The following FUT8 variants were observed in gnomAD, a reference collection of about 807,000 sequenced individuals.
The protein encoded by FUT8 is fucosyltransferase 8.
FUT8 carries 29 observed loss-of-function variants against 71.3 expected under a neutral mutation model. The ratio of observed to expected loss-of-function variants is 0.41; its 90% CI spans 0.30 to 0.55. FUT8 has a LOEUF of 0.55. FUT8 is among the 20% of genes least tolerant of loss of function. The pLI is 0.34. For synonymous variants in FUT8, 254 were observed against 239.3 expected, an observed-to-expected ratio of 1.06 and a Z score of -0.57; for missense variants, 544 against 702.1, an observed-to-expected ratio of 0.77 and a Z score of 2.55.
In FUT8 at chr14:65,638,125, C is replaced by G. The variant is rs1410335456; in HGVS notation, c.597+8519C>G. Among the ~76,000 whole-genome samples the G allele has an allele frequency of 6.6e-6, 1 of 152,212 alleles. No homozygotes were observed. Among genetic ancestry groups the G allele is most frequent in the Non-Finnish European group, 1.5e-5 (1 of 68,036 alleles). On this transcript the variant is annotated intron_variant, in intron 6 of 10. Transcript: ENST00000673929. This position sits in a 1 kb window ranked among gnomAD's most constrained non-coding sequence, Gnocchi z 4.5. ...GGTGAAGTTCGTAACCACATTTCTT[C>G]TGGTTAGCTGCAGAAGCAGTGTAGG...
the FUT8 span, among the ~76,000 whole-genome samples, chr14:65,391,043 TG>T: frequency 6.6e-6 from 1 of 151,988 alleles, no homozygotes; most frequent in African/African-American, 2.4e-5. Context: ...CTATTCTTTG[TG>T]GAAATAATTA....
In FUT8 at chr14:65,528,288, C is replaced by T. The variant is rs563269118; in HGVS notation, c.-227-33049C>T. Among the ~76,000 whole-genome samples the T allele has an allele frequency of 6.0e-4, 92 of 152,314 alleles. 1 individual carries two copies. The highest frequency in any genetic ancestry group is 2.5e-3 in the Admixed American group (38 of 15,300). ...CCAGCTTCGCTGCCACCTTGCAGTT[C>T]GATCTCAGACTGCTGTGCTAGCAAT... On this transcript the variant is annotated intron_variant, in intron 2 of 10. Coordinates refer to ENST00000673929, the MANE Select transcript of FUT8 (RefSeq NM_001371533.1).
Position 65,710,444 on chromosome 14 carries a change from T to G in FUT8, c.836-11331T>G, listed in dbSNP as rs527797390. 2.0e-5 allele frequency among the ~76,000 whole-genome samples: 3 copies of G among 152,350 alleles called. No homozygotes were observed. In the South Asian group the frequency reaches 6.2e-4, roughly 32 times the overall value. On this transcript the variant is annotated intron_variant, in intron 7 of 10. Coordinates refer to ENST00000673929, the MANE Select transcript of FUT8 (RefSeq NM_001371533.1). ...CTTTCTAACATAGCATGTACTATGT[T>G]ATTTTCTTTCATTTTGAAATATGTT...
chr14:65,500,461 G>A (rs2066629191), intron 2 of FUT8, among the ~76,000 whole-genome samples: 1 of 152,112 alleles, frequency 6.6e-6, no homozygotes, highest in South Asian at 2.1e-4. Flanking sequence ...AGAGTCATAA[G>A]CTAAGAAGCT....
chr14:65,412,477 G>T (rs1345192375), upstream of FUT8: 1 of 393,900 alleles, frequency 2.5e-6, no homozygotes, highest in African/African-American at 2.1e-5. Context: ...GCCTTCAGGC[G>T]GTAGAGGGCG....
chr14:65,461,794 G>A (rs956004816), intron 2 of FUT8, among the ~76,000 whole-genome samples: 25 of 152,326 alleles, frequency 1.6e-4, no homozygotes, highest in African/African-American at 5.3e-4. Context: ...CAGCTGAGAA[G>A]ATGGGAGCTT....
intron 2 of FUT8, among the ~76,000 whole-genome samples, chr14:65,501,711 A>T (rs1008378769): frequency 2.6e-5 from 4 of 152,164 alleles, no homozygotes; most frequent in African/African-American, 9.7e-5. Context: ...ACCAGTATAT[A>T]TAGCCTTCTC....
intron 2 of FUT8, among the ~76,000 whole-genome samples, chr14:65,501,144 G>A (rs1250061038): frequency 2.0e-5 from 3 of 152,118 alleles, no homozygotes; most frequent in Non-Finnish European, 4.4e-5. Context: ...CTAAATACTC[G>A]AGGCAGGAGG....
At chr14:65,450,820 C>T (rs1289487962) in intron 1 of FUT8, among the ~76,000 whole-genome samples, 4 of 151,456 alleles carry the variant, frequency 2.6e-5, no homozygotes, top group Admixed American at 1.3e-4. Flanking sequence ...CTTTGTGGGA[C>T]TCGCAACAGG....
At chr14:65,593,246 T>C (rs1594797191) in intron 3 of FUT8, among the ~76,000 whole-genome samples, 1 of 152,352 alleles carries the variant, frequency 6.6e-6, no homozygotes, top group East Asian at 1.9e-4. Flanking sequence ...TGTCAATACT[T>C]GTATGCCTTT....
chr14:65,492,396 A>G lies in FUT8; in HGVS notation c.-228+36678A>G, dbSNP rs557448002. On this transcript the variant is annotated intron_variant, in intron 2 of 10. Coordinates refer to ENST00000673929, the MANE Select transcript of FUT8 (RefSeq NM_001371533.1). ...CCAGTCACTAAGTTTTGGCCAATCAAATGTAGTCAACTGTTCAAACTGTGT... is the reference window on the plus strand; with the variant it reads ...CCAGTCACTAAGTTTTGGCCAATCAGATGTAGTCAACTGTTCAAACTGTGT... Among the ~76,000 whole-genome samples, 3 of 152,312 alleles carry G rather than the reference A, an allele frequency of 2.0e-5. No individual in the cohort carries two copies. In the South Asian group the frequency reaches 6.2e-4, roughly 32 times the overall value.
Position 65,608,461 on chromosome 14 carries a change from A to G in FUT8, c.204-7517A>G, listed in dbSNP as rs549077472. Among the ~76,000 whole-genome samples the G allele has an allele frequency of 1.3e-4, 19 of 151,952 alleles. 1 individual carries two copies. The highest frequency in any genetic ancestry group is 2.2e-4 in the Non-Finnish European group (15 of 67,956). On this transcript the variant is annotated intron_variant, in intron 3 of 10. Transcript: ENST00000673929. ...GCCGTGTAATCATTTCATTTAGGCT[A>G]CAACTCACTAGTTTTTCATATTCTG...
intron 7 of FUT8, among the ~76,000 whole-genome samples, chr14:65,672,835 G>C (rs746327629): frequency 1.3e-5 from 2 of 152,154 alleles, no homozygotes; most frequent in Non-Finnish European, 2.9e-5. Context: ...CTTTCAAAAT[G>C]CTTTTCTAGC....
At chr14:65,492,376 C>CA (rs1217993518) in intron 2 of FUT8, among the ~76,000 whole-genome samples, 3 of 152,204 alleles carry the variant, frequency 2.0e-5, no homozygotes, top group African/African-American at 2.4e-5. Context: ...TTGTGCCAGT[C>CA]ACTAAGTTTT....
intron 7 of FUT8, among the ~76,000 whole-genome samples, chr14:65,709,014 C>T (rs1245847295): frequency 6.6e-6 from 1 of 152,024 alleles, no homozygotes; most frequent in Non-Finnish European, 1.5e-5. Context: ...GTTCTGATTA[C>T]AAAAGAAGGA....
chr14:65,613,440 A>G (rs1164896100), intron 3 of FUT8, among the ~76,000 whole-genome samples: 1 of 152,118 alleles, frequency 6.6e-6, no homozygotes, highest in Non-Finnish European at 1.5e-5. Context: ...TTAAAAAACT[A>G]TATACCAGGA....
At chr14:65,443,503 T>C (rs1566750777) in intron 1 of FUT8, among the ~76,000 whole-genome samples, 3 of 151,846 alleles carry the variant, frequency 2.0e-5, no homozygotes, top group Non-Finnish European at 2.9e-5. Flanking sequence ...GAGGATTACT[T>C]GAGGCCAGGA....
At chr14:65,485,292 G>C (rs980202658) in intron 2 of FUT8, among the ~76,000 whole-genome samples, 2 of 152,162 alleles carry the variant, frequency 1.3e-5, no homozygotes, top group African/African-American at 4.8e-5. Context: ...ATCTTCAGCT[G>C]ACAGACATTG....
In FUT8 at chr14:65,656,852, T is replaced by G. The variant is rs550556457; in HGVS notation, c.598-12391T>G. On this transcript the variant is annotated intron_variant, in intron 6 of 10. Transcript: ENST00000673929. ...GGTGGAGAACCCAGAAACAAATCTG[T>G]TATCTACAGTAAACTCATTTTCAAC... is the stretch of plus-strand genomic sequence containing the variant. Among the ~76,000 whole-genome samples the G allele has an allele frequency of 3.1e-3, 465 of 152,256 alleles. 3 individuals carry two copies. The highest frequency in any genetic ancestry group is 0.011 in the African/African-American group (452 of 41,546).
Sources: gnomAD v4.1 joint callset for allele counts (sites outside exome capture counted in the v4.1 genomes callset) on GRCh38, gnomAD v4.1.1 for gene constraint, Gnocchi (gnomAD v3.1) non-coding constraint, MANE v1.5 for transcripts, NCBI Gene and HGNC (gene_info 2026-07-23, HGNC 2026-07-21) for gene names.